CTNND2: variants seen among roughly 807,000 people sequenced by gnomAD.
CTNND2 encodes the protein catenin delta-2.
In CTNND2, 22 loss-of-function variants were observed where a neutral mutation model predicts 144.4. That is an observed-to-expected ratio of 0.15 (90% CI 0.11 to 0.22). The LOEUF (loss-of-function observed/expected upper bound fraction) is 0.22, where lower values mean the gene tolerates loss of function less well. CTNND2 is among the 10% of genes least tolerant of loss of function. The pLI, the probability that CTNND2 is intolerant of heterozygous loss-of-function variation, is 1.00. For synonymous variants in CTNND2, 751 were observed against 695.6 expected, an observed-to-expected ratio of 1.08 and a Z score of -1.25; for missense variants, 1,353 against 1,618.8, an observed-to-expected ratio of 0.84 and a Z score of 2.82.
chr5:11,110,984 C>T lies in CTNND2; in HGVS notation c.2337G>A (p.Thr779=), dbSNP rs1360817192. The T allele has an allele frequency of 3.8e-5, 62 of 1,614,020 alleles. No homozygotes were observed. Among genetic ancestry groups the T allele is most frequent in the Admixed American group, 1.0e-4 (6 of 59,994 alleles). ...RNLSYRLAAE[T]SQGQHMGTDE... ...CCGTGCCCATGTGCTGTCCCTGAGA[C>T]GTTTCTGCCGCCAGCCGGTACGAGA... The change falls in exon 14 of 22, where the codon ACG becomes ACA. Residue 779 remains threonine, a synonymous_variant. Coordinates refer to ENST00000304623, the MANE Select transcript of CTNND2 (RefSeq NM_001332.4).
At chr5:11,097,850 C>CTA (rs1403465495) in intron 15 of CTNND2, among the ~76,000 whole-genome samples, 1 of 152,168 alleles carries the variant, frequency 6.6e-6, no homozygotes, top group Non-Finnish European at 1.5e-5. Context: ...TGGTATTCTC[C>CTA]CCACCTGCCC....
intron 14 of CTNND2, among the ~76,000 whole-genome samples, chr5:11,102,594 A>T (rs932062972): frequency 4.6e-5 from 7 of 152,226 alleles, no homozygotes; most frequent in Non-Finnish European, 7.3e-5. Context: ...CAACTGCATG[A>T]CTAATATCCA....
chr5:11,037,476 C>T (rs1019946749), intron 16 of CTNND2, among the ~76,000 whole-genome samples: 2 of 152,164 alleles, frequency 1.3e-5, no homozygotes, highest in Non-Finnish European at 2.9e-5. Flanking sequence ...CTGATATCAC[C>T]ACCACATATG....
intron 9 of CTNND2, among the ~76,000 whole-genome samples, chr5:11,244,485 A>G (rs1742792128): frequency 6.6e-6 from 1 of 152,064 alleles, no homozygotes; most frequent in Non-Finnish European, 1.5e-5. Context: ...AGGTTTTGCC[A>G]TATTGGCCAG....
At chr5:11,703,613 G>A (rs1320458355) in intron 2 of CTNND2, among the ~76,000 whole-genome samples, 1 of 152,140 alleles carries the variant, frequency 6.6e-6, no homozygotes, top group Non-Finnish European at 1.5e-5. Context: ...TACTTCTTTA[G>A]TTATTGCAAG....
At chr5:11,887,172 A>G (rs1011138895) in intron 1 of CTNND2, among the ~76,000 whole-genome samples, 1 of 151,804 alleles carries the variant, frequency 6.6e-6, no homozygotes, top group Non-Finnish European at 1.5e-5. Context: ...TTTAGAAGAG[A>G]TGGGGTTTAA....
At chr5:11,385,322 C>A in intron 6 of CTNND2, 93 bp from the exon 7 acceptor site, 1 of 874,876 alleles carries the variant, frequency 1.1e-6, no homozygotes, top group South Asian at 5.1e-5. Context: ...AGAGGCACAC[C>A]GGGGATGCCG....
intron 2 of CTNND2, among the ~76,000 whole-genome samples, chr5:11,723,998 C>T (rs1581779210): frequency 1.3e-5 from 2 of 151,186 alleles, no homozygotes; most frequent in South Asian, 4.2e-4. Flanking sequence ...GACCTTGCAG[C>T]GAGCTGAGAT....
At chr5:11,483,044 T>A (rs989371253) in intron 3 of CTNND2, among the ~76,000 whole-genome samples, 1 of 151,910 alleles carries the variant, frequency 6.6e-6, no homozygotes, top group African/African-American at 2.4e-5. Flanking sequence ...TGGTTTTCAT[T>A]GATAGCCTCC....
At chr5:11,005,600 A>G (rs1024621749) in intron 18 of CTNND2, among the ~76,000 whole-genome samples, 1 of 152,186 alleles carries the variant, frequency 6.6e-6, no homozygotes, top group Non-Finnish European at 1.5e-5. Context: ...GAAAGAAGGA[A>G]GTATTAGTTG....
intron 21 of CTNND2, among the ~76,000 whole-genome samples, chr5:10,980,719 TA>T (rs1271996267): frequency 9.9e-5 from 15 of 152,018 alleles, no homozygotes; most frequent in East Asian, 5.8e-4. Context: ...TATGCAGCCA[TA>T]AAAAAAGGAT....
intron 1 of CTNND2, among the ~76,000 whole-genome samples, chr5:11,810,761 C>T (rs10036087): frequency 6.6e-6 from 1 of 151,972 alleles, no homozygotes; most frequent in East Asian, 1.9e-4. Context: ...AAGCAATATG[C>T]CTCTTAAATT....
intron 2 of CTNND2, among the ~76,000 whole-genome samples, chr5:11,682,939 AACTC>A (rs1412402831): frequency 6.6e-6 from 1 of 152,238 alleles, no homozygotes; most frequent in Non-Finnish European, 1.5e-5. Context: ...AGAATTTGCA[AACTC>A]ACTGTGTAGA....
chr5:11,658,017 CAGA>C (rs1424324762), intron 2 of CTNND2, among the ~76,000 whole-genome samples: 3 of 152,164 alleles, frequency 2.0e-5, no homozygotes, highest in Admixed American at 6.5e-5. Context: ...AATCATCATC[CAGA>C]AGAACACTTT....
intron 1 of CTNND2, among the ~76,000 whole-genome samples, chr5:11,775,272 C>T (rs74677771): frequency 0.014 from 2,085 of 152,184 alleles, 25 homozygotes; most frequent in South Asian, 0.065. Flanking sequence ...TTTGAATTGA[C>T]GAAAATTGGA....
intron 9 of CTNND2, among the ~76,000 whole-genome samples, chr5:11,287,444 A>G (rs2150008380): frequency 6.6e-6 from 1 of 152,314 alleles, no homozygotes; most frequent in Admixed American, 6.5e-5. Context: ...CCTTAAAATA[A>G]ATCTCTCTCT....
chr5:10,975,253 A>G (rs1736307014), intron 21 of CTNND2, among the ~76,000 whole-genome samples: 1 of 152,192 alleles, frequency 6.6e-6, no homozygotes, highest in Admixed American at 6.5e-5. Flanking sequence ...CAAGTGCAAG[A>G]CATGCAAAGG....
At chr5:11,704,395 T>C (rs1785598689) in intron 2 of CTNND2, among the ~76,000 whole-genome samples, 1 of 152,026 alleles carries the variant, frequency 6.6e-6, no homozygotes, top group African/African-American at 2.4e-5. Context: ...TGACAGAGAG[T>C]AGCAGATGGT....
chr5:11,819,027 G>A (rs1160041585), intron 1 of CTNND2, among the ~76,000 whole-genome samples: 1 of 152,142 alleles, frequency 6.6e-6, no homozygotes, highest in Non-Finnish European at 1.5e-5. Flanking sequence ...TAGATTGCTG[G>A]TTCCTTGCAG....
Sources: allele counts gnomAD v4.1 joint callset (sites outside exome capture counted in the v4.1 genomes callset), GRCh38; gene constraint gnomAD v4.1.1; transcripts MANE v1.5; gene names NCBI Gene and HGNC (gene_info 2026-07-23, HGNC 2026-07-21).